CNTNAP2: variants seen among roughly 807,000 people sequenced by gnomAD.
CNTNAP2 encodes contactin associated protein 2, also known as contactin-associated protein-like 2.
Under a neutral mutation model 155.2 loss-of-function variants are expected in CNTNAP2, and 98 were observed. The observed-to-expected ratio is 0.63, with a 90% CI of 0.54 to 0.75. The LOEUF (loss-of-function observed/expected upper bound fraction) is 0.75, where lower values mean the gene tolerates loss of function less well. CNTNAP2 is among the 30% of genes least tolerant of loss of function. CNTNAP2 has a pLI of 0.00. For missense variants in CNTNAP2, 1,727 were observed against 1,688.1 expected, an observed-to-expected ratio of 1.02 and a Z score of -0.40; for synonymous variants, 651 against 631.2, an observed-to-expected ratio of 1.03 and a Z score of -0.47.
At chr7:147,121,520 G>A (rs766954406) in intron 6 of CNTNAP2, 7 of 206,016 alleles carry the variant, frequency 3.4e-5, no homozygotes, top group African/African-American at 7.1e-5. Flanking sequence ...ATATGCAGAG[G>A]GTTGTCTAAT....
chr7:147,772,599 T>C (rs1797493014), intron 13 of CNTNAP2, among the ~76,000 whole-genome samples: 1 of 151,238 alleles, frequency 6.6e-6, no homozygotes, highest in South Asian at 2.1e-4. Context: ...TCTACTTTAA[T>C]TTATCATACC....
intron 1 of CNTNAP2, among the ~76,000 whole-genome samples, chr7:146,423,973 C>T (rs892573440): frequency 1.3e-5 from 2 of 152,220 alleles, no homozygotes; most frequent in African/African-American, 4.8e-5. Flanking sequence ...AGTGACCCTC[C>T]TCAGTTAATT....
chr7:147,390,153 G>T (rs1237304565), intron 9 of CNTNAP2, among the ~76,000 whole-genome samples: 1 of 152,168 alleles, frequency 6.6e-6, no homozygotes, highest in African/African-American at 2.4e-5. Context: ...ACAGCAGGAG[G>T]TTCAGTATCA....
chr7:147,028,068 C>T (rs1798957426), intron 3 of CNTNAP2, among the ~76,000 whole-genome samples: 1 of 152,070 alleles, frequency 6.6e-6, no homozygotes, highest in Non-Finnish European at 1.5e-5. Context: ...GGGAATGAGA[C>T]CTCGTAGAAG....
intron 13 of CNTNAP2, among the ~76,000 whole-genome samples, chr7:147,661,243 GAA>G (rs1243853040): frequency 4.6e-5 from 7 of 151,612 alleles, no homozygotes; most frequent in Admixed American, 4.6e-4. Flanking sequence ...ACTTTTTAGA[GAA>G]TGCCGTGTCA....
chr7:148,150,773 T>G (rs188531765), intron 17 of CNTNAP2, among the ~76,000 whole-genome samples: 50 of 152,292 alleles, frequency 3.3e-4, no homozygotes, highest in Admixed American at 5.9e-4. Flanking sequence ...ACATGGAGTC[T>G]TGTTCTGTTG....
At chr7:147,783,025 C>T (rs1163144518) in intron 13 of CNTNAP2, among the ~76,000 whole-genome samples, 1 of 152,162 alleles carries the variant, frequency 6.6e-6, no homozygotes, top group African/African-American at 2.4e-5. Context: ...AAAGTATGGA[C>T]AGTGCCAGGT....
At chr7:146,704,669 C>A (rs538796662) in intron 1 of CNTNAP2, among the ~76,000 whole-genome samples, 3 of 152,118 alleles carry the variant, frequency 2.0e-5, no homozygotes, top group Admixed American at 6.5e-5. Context: ...ATTGGTTAAC[C>A]AAATAGTTTA....
At chr7:146,953,904 A>G (rs1228164466) in intron 3 of CNTNAP2, among the ~76,000 whole-genome samples, 3 of 152,006 alleles carry the variant, frequency 2.0e-5, no homozygotes, top group African/African-American at 4.8e-5. Context: ...CTGTTTCAGC[A>G]TAGTGTTATA....
intron 1 of CNTNAP2, among the ~76,000 whole-genome samples, chr7:146,612,979 G>A (rs1307777692): frequency 2.0e-5 from 3 of 146,684 alleles, no homozygotes; most frequent in African/African-American, 7.5e-5. Flanking sequence ...GTGTTTAGTA[G>A]CTATCCATGC....
chr7:148,246,615 C>A (rs12668142), intron 20 of CNTNAP2, among the ~76,000 whole-genome samples: 1 of 152,134 alleles, frequency 6.6e-6, no homozygotes, highest in Non-Finnish European at 1.5e-5. Flanking sequence ...AAGAAGAAAA[C>A]GCTGTTTCAT....
chr7:147,870,617 G>T (rs2116700458), intron 13 of CNTNAP2, among the ~76,000 whole-genome samples: 1 of 152,262 alleles, frequency 6.6e-6, no homozygotes, highest in South Asian at 2.1e-4. Context: ...GGCAATCCTG[G>T]CATTCAACAT....
chr7:146,608,254 T>A (rs556890234), intron 1 of CNTNAP2, among the ~76,000 whole-genome samples: 1 of 152,216 alleles, frequency 6.6e-6, no homozygotes, highest in African/African-American at 2.4e-5. Context: ...TTTTCCAGGT[T>A]TAAAACTCTT....
chr7:147,710,299 C>T (rs547984866), intron 13 of CNTNAP2, among the ~76,000 whole-genome samples: 1 of 152,252 alleles, frequency 6.6e-6, no homozygotes, highest in South Asian at 2.1e-4. Flanking sequence ...GCATTTTAAG[C>T]TTCTTAGCTT....
intron 21 of CNTNAP2, among the ~76,000 whole-genome samples, chr7:148,304,749 T>A (rs1457671066): frequency 6.6e-6 from 1 of 152,212 alleles, no homozygotes. Context: ...GACTCCTGAC[T>A]ATGGAAGATG....
At chr7:148,264,230 T>A (rs1796627073) in intron 20 of CNTNAP2, among the ~76,000 whole-genome samples, 1 of 152,226 alleles carries the variant, frequency 6.6e-6, no homozygotes, top group Non-Finnish European at 1.5e-5. Flanking sequence ...CAGAAGACAT[T>A]CATAATATAT....
rs1164841969 is a variant in CNTNAP2, at chr7:146,721,525, TATTCTATATAC to T, written c.98-52735_98-52725del. Among the ~76,000 whole-genome samples the T allele has an allele frequency of 1.1e-4, 14 of 123,718 alleles. No individual in the cohort carries two copies. The South Asian group carries it at 3.2e-3, about 28-fold the overall frequency. The allele number at this position is 123,718 out of a possible 152,430, so 81.2% of individuals were successfully genotyped here. On this transcript the variant is annotated intron_variant, in intron 1 of 23. Coordinates refer to ENST00000361727, the MANE Select transcript of CNTNAP2 (RefSeq NM_014141.6). ...ATATTCTATATATACATTCTATATA[TATTCTATATAC>T]ATTCTATATATATTCTATATACATT... is the stretch of plus-strand genomic sequence containing the variant.
At chr7:148,020,777 G>A (rs558030520) in intron 15 of CNTNAP2, among the ~76,000 whole-genome samples, 6 of 152,148 alleles carry the variant, frequency 3.9e-5, no homozygotes, top group East Asian at 3.9e-4. Flanking sequence ...TCTTCCTTCC[G>A]ACTACTTTGT....
chr7:146,686,108 G>C (rs1259862527), intron 1 of CNTNAP2, among the ~76,000 whole-genome samples: 2 of 151,992 alleles, frequency 1.3e-5, no homozygotes. Context: ...ATCATCCTGG[G>C]CAACATACTG....
Sources: gnomAD v4.1 joint callset for allele counts (sites outside exome capture counted in the v4.1 genomes callset) on GRCh38, gnomAD v4.1.1 for gene constraint, MANE v1.5 for transcripts, NCBI Gene and HGNC (gene_info 2026-07-23, HGNC 2026-07-21) for gene names.